The following DPP10 variants were observed in gnomAD, a reference collection of about 807,000 sequenced individuals.
DPP10 encodes the protein inactive dipeptidyl peptidase 10.
A neutral mutation model predicts 120.9 loss-of-function variants in DPP10; 33 were observed. That is an observed-to-expected ratio of 0.27 (90% CI 0.21 to 0.37). The LOEUF is 0.37. Ranked by LOEUF, DPP10 falls within the 10% of genes least tolerant of loss-of-function variation. DPP10 has a pLI of 1.00. For synonymous variants in DPP10, 337 were observed against 326.1 expected (o/e 1.03, Z -0.36); for missense variants, 816 against 942.8 (o/e 0.87, Z 1.76).
chr2:114,495,344 C>T (rs895114003), intron 1 of DPP10, among the ~76,000 whole-genome samples: 1 of 152,162 alleles, frequency 6.6e-6, no homozygotes, highest in Non-Finnish European at 1.5e-5. Flanking sequence ...ATCTTATCTA[C>T]CTTTGCATTT....
At chr2:115,454,452 T>C (rs904061797) in intron 3 of DPP10, among the ~76,000 whole-genome samples, 1 of 151,604 alleles carries the variant, frequency 6.6e-6, no homozygotes, top group Non-Finnish European at 1.5e-5. Flanking sequence ...AATAAGGTAA[T>C]ACATTATATT....
chr2:115,197,654 G>A (rs1291736807), intron 1 of DPP10, among the ~76,000 whole-genome samples: 2 of 152,138 alleles, frequency 1.3e-5, no homozygotes, highest in African/African-American at 4.8e-5. Context: ...CGCCTTTAGA[G>A]CCTGCTATAA....
At chr2:114,611,591 G>A (rs1693293115) in intron 1 of DPP10, among the ~76,000 whole-genome samples, 1 of 152,114 alleles carries the variant, frequency 6.6e-6, no homozygotes, top group Non-Finnish European at 1.5e-5. Flanking sequence ...GTTACATTAT[G>A]AGAAAATATT....
chr2:114,495,215 G>C (rs1329527446), intron 1 of DPP10, among the ~76,000 whole-genome samples: 1 of 152,142 alleles, frequency 6.6e-6, no homozygotes, highest in Non-Finnish European at 1.5e-5. Flanking sequence ...CCACAGCCAT[G>C]TCACCTGAGC....
intron 1 of DPP10, among the ~76,000 whole-genome samples, chr2:115,305,308 T>C (rs965257722): frequency 6.6e-6 from 1 of 152,102 alleles, no homozygotes; most frequent in Non-Finnish European, 1.5e-5. Flanking sequence ...TGCTTTCAGA[T>C]GTTGGGTGGT....
chr2:115,167,260 GA>G (rs563385836), intron 1 of DPP10, among the ~76,000 whole-genome samples: 4,096 of 132,274 alleles, frequency 0.031, 128 homozygotes, highest in African/African-American at 0.081. Context: ...AGACAAAATA[GA>G]AAAAAAAAAA....
chr2:115,816,719 C>T (rs1387908414), intron 21 of DPP10, among the ~76,000 whole-genome samples: 15 of 149,478 alleles, frequency 1.0e-4, no homozygotes, highest in Admixed American at 2.7e-4. Context: ...CAGGTTCAAG[C>T]GATTCTCCTG....
At chr2:115,685,446 G>A (rs1347017111) in intron 5 of DPP10, among the ~76,000 whole-genome samples, 3 of 151,932 alleles carry the variant, frequency 2.0e-5, no homozygotes, top group Non-Finnish European at 2.9e-5. Context: ...CCAATGTAAT[G>A]TTTCTTGGCC....
chr2:114,670,183 G>T (rs973068865), intron 1 of DPP10, among the ~76,000 whole-genome samples: 1 of 152,078 alleles, frequency 6.6e-6, no homozygotes, highest in South Asian at 2.1e-4. Flanking sequence ...TATACCCAAA[G>T]GACTATAAAT....
At chr2:115,167,086 C>G (rs1449870841) in intron 1 of DPP10, among the ~76,000 whole-genome samples, 1 of 152,088 alleles carries the variant, frequency 6.6e-6, no homozygotes, top group Non-Finnish European at 1.5e-5. Flanking sequence ...TTTTCTTGGG[C>G]AGGATAACTG....
rs542945867 is a variant in DPP10 at position 114,891,720 on chromosome 2, C to T, written c.61-417519C>T. Reference sequence around the variant, plus strand: ...AATATCATGTGACCCATCTGAAGAGCCATTTTGCCACACTTTTAAATGTGT... The same window carrying T: ...AATATCATGTGACCCATCTGAAGAGTCATTTTGCCACACTTTTAAATGTGT... On this transcript the variant is annotated intron_variant, in intron 1 of 25. Coordinates refer to ENST00000410059, the MANE Select transcript of DPP10 (RefSeq NM_020868.6). Among the ~76,000 whole-genome samples, 5 of 152,232 alleles carry T rather than the reference C, an allele frequency of 3.3e-5. No individual in the cohort carries two copies. The South Asian group carries it at 8.3e-4, about 25-fold the overall frequency.
chr2:115,055,913 A>G (rs1705866538), intron 1 of DPP10, among the ~76,000 whole-genome samples: 1 of 152,048 alleles, frequency 6.6e-6, no homozygotes, highest in African/African-American at 2.4e-5. Flanking sequence ...TATTGGACTC[A>G]CTCTTAAAAA....
intron 1 of DPP10, among the ~76,000 whole-genome samples, chr2:114,991,041 TTAAA>T (rs1700725576): frequency 6.6e-6 from 1 of 152,170 alleles, no homozygotes; most frequent in African/African-American, 2.4e-5. Flanking sequence ...AATAAAAAAA[TTAAA>T]TAATGTCTCT....
At chr2:114,901,742 G>C (rs559775273) in intron 1 of DPP10, among the ~76,000 whole-genome samples, 1 of 152,332 alleles carries the variant, frequency 6.6e-6, no homozygotes, top group African/African-American at 2.4e-5. Flanking sequence ...ATCAGCCACA[G>C]ACCAGGGCAG....
At chr2:115,807,520 A>G (rs540424607) in intron 19 of DPP10, among the ~76,000 whole-genome samples, 1 of 152,234 alleles carries the variant, frequency 6.6e-6, no homozygotes, top group African/African-American at 2.4e-5. Context: ...TTTTTTCTTC[A>G]TTACTCTCAT....
chr2:115,812,763 A>G (rs1332130763), intron 19 of DPP10, among the ~76,000 whole-genome samples: 1 of 152,166 alleles, frequency 6.6e-6, no homozygotes, highest in African/African-American at 2.4e-5. Flanking sequence ...ATTAATTTCT[A>G]TGGCACAGTT....
chr2:115,272,483 A>T (rs1288036177), intron 1 of DPP10, among the ~76,000 whole-genome samples: 1 of 152,234 alleles, frequency 6.6e-6, no homozygotes, highest in African/African-American at 2.4e-5. Flanking sequence ...TGAGCCACCA[A>T]AAAGGAAAAG....
chr2:115,589,926 C>T, intron 5 of DPP10, among the ~76,000 whole-genome samples: 1 of 152,192 alleles, frequency 6.6e-6, no homozygotes, highest in South Asian at 2.1e-4. Flanking sequence ...ATTTTTTCAG[C>T]AAACCAGGTA....
chr2:114,698,289 G>A (rs1700184571), intron 1 of DPP10, among the ~76,000 whole-genome samples: 1 of 151,960 alleles, frequency 6.6e-6, no homozygotes, highest in South Asian at 2.1e-4. Context: ...AAAAAATGGA[G>A]GCCTCTTGCC....
Sources: allele counts gnomAD v4.1 joint callset (sites outside exome capture counted in the v4.1 genomes callset), GRCh38; gene constraint gnomAD v4.1.1; transcripts MANE v1.5; gene names NCBI Gene and HGNC (gene_info 2026-07-23, HGNC 2026-07-21).